The following PLA2G4E variants were observed in gnomAD, a reference collection of about 807,000 sequenced individuals.
PLA2G4E encodes the protein cytosolic phospholipase A2 epsilon.
A neutral mutation model predicts 109.1 loss-of-function variants in PLA2G4E; 84 were observed. The observed-to-expected ratio is 0.77, with a 90% CI of 0.65 to 0.92. The LOEUF is 0.92. Among genes scored for constraint, PLA2G4E ranks in the 40% least tolerant of loss-of-function variants. The probability of loss-of-function intolerance (pLI) is 0.00; values close to 1 mark genes in which losing one functional copy is unlikely to be tolerated. For missense variants in PLA2G4E, 1,057 were observed against 1,076.6 expected (o/e 0.98, Z 0.25); for synonymous variants, 469 against 436.1 (o/e 1.08, Z -0.94).
chr15:42,023,740 T>C (rs1197766494), intron 1 of PLA2G4E, among the ~76,000 whole-genome samples: 2 of 151,540 alleles, frequency 1.3e-5, no homozygotes, highest in Admixed American at 1.3e-4. Context: ...CAAGGCCTCC[T>C]ATTTGGCCTC....
intron 18 of PLA2G4E, 71 bp from the exon 19 acceptor site, chr15:41,984,690 GC>G: frequency 7.4e-7 from 1 of 1,352,200 alleles, no homozygotes; most frequent in Non-Finnish European, 9.8e-7. Context: ...AGAGTTCTTA[GC>G]CCCAGCTTCC....
chr15:42,050,500 C>T (rs762221846), intron 1 of PLA2G4E: 4 of 1,544,810 alleles, frequency 2.6e-6, no homozygotes, highest in Admixed American at 4.0e-5. Context: ...CCAGACCCCC[C>T]TCCCAGGAAC....
chr15:42,011,081 G>A (rs992670984), intron 2 of PLA2G4E, among the ~76,000 whole-genome samples: 33 of 152,256 alleles, frequency 2.2e-4, no homozygotes, highest in African/African-American at 7.5e-4. Context: ...AGACATGACT[G>A]GGGTTGGCAC....
chr15:41,997,507 G>C (rs1226419193), intron 10 of PLA2G4E: 8 of 331,268 alleles, frequency 2.4e-5, no homozygotes, highest in Admixed American at 4.9e-5. Context: ...ATGCGAGCTG[G>C]TACTCAACAA....
At chr15:42,023,185 C>G (rs545549979) in intron 1 of PLA2G4E, among the ~76,000 whole-genome samples, 3 of 149,822 alleles carry the variant, frequency 2.0e-5, no homozygotes, top group African/African-American at 7.6e-5. Flanking sequence ...AAGAAGGAGG[C>G]TTTGTGAAAG....
intron 5 of PLA2G4E, among the ~76,000 whole-genome samples, chr15:42,003,774 G>T (rs1161820964): frequency 3.9e-5 from 6 of 152,254 alleles, no homozygotes; most frequent in Non-Finnish European, 8.8e-5. Flanking sequence ...AGCATAGGGG[G>T]CTCAGCCCTG....
chr15:42,007,664 G>A, intron 3 of PLA2G4E, 65 bp downstream of exon 3: 3 of 1,536,538 alleles, frequency 2.0e-6, no homozygotes, highest in Non-Finnish European at 2.7e-6. Context: ...CAAAGAGAAG[G>A]ACAAGTGGGC....
rs1438871804 is a variant in PLA2G4E at position 41,995,282 on chromosome 15, G to A, written c.1247+78C>T. 14 of 1,539,118 alleles carry A rather than the reference G, an allele frequency of 9.1e-6. No homozygotes were observed. The Admixed American group carries it at 2.4e-4, about 26-fold the overall frequency. Reference sequence around the variant, plus strand: ...CACTTTGTCTTTGGGTGGCGGGGAGGAGCTTCACCTGAGACCCCAGGCCAG... The same window carrying A: ...CACTTTGTCTTTGGGTGGCGGGGAGAAGCTTCACCTGAGACCCCAGGCCAG... On this transcript the variant is annotated intron_variant, in intron 12 of 19. Transcript: ENST00000399518.
chr15:42,001,166 T>G lies in PLA2G4E; in HGVS notation c.664A>C (p.Arg222=), dbSNP rs1302094173. 3 of 1,613,384 alleles carry G rather than the reference T, an allele frequency of 1.9e-6. No individual in the cohort carries two copies. The African/African-American group carries it at 4.0e-5, about 22-fold the overall frequency. The change falls in exon 7 of 20, where the codon AGG becomes CGG. Residue 222 remains arginine, a synonymous_variant. Coordinates refer to ENST00000399518, the Ensembl canonical transcript of PLA2G4E. ...AGGCAAAACAGCTCACTTTTCTCCCTCTTCCTCCGCCTCCTGGATTGTGCA... is the reference window on the plus strand; with the variant it reads ...AGGCAAAACAGCTCACTTTTCTCCCGCTTCCTCCGCCTCCTGGATTGTGCA...
intron 1 of PLA2G4E, among the ~76,000 whole-genome samples, chr15:42,028,074 G>A (rs528930077): frequency 1.3e-5 from 2 of 152,312 alleles, no homozygotes; most frequent in African/African-American, 4.8e-5. Context: ...AATTAGTTAC[G>A]ACACATTCAC....
chr15:42,016,803 A>C (rs1455052373), intron 1 of PLA2G4E, among the ~76,000 whole-genome samples: 1 of 152,234 alleles, frequency 6.6e-6, no homozygotes, highest in East Asian at 1.9e-4. Context: ...TGTGAGATCA[A>C]CCCTGAAATA....
At chr15:42,013,657 GAAGGA>G (rs1342651539) in intron 2 of PLA2G4E, 23 bp downstream of exon 2, 4 of 1,541,164 alleles carry the variant, frequency 2.6e-6, no homozygotes, top group South Asian at 1.2e-5. Context: ...GGTAAGCAGA[GAAGGA>G]GAGAAGTGAG....
intron 18 of PLA2G4E, among the ~76,000 whole-genome samples, chr15:41,985,622 A>C (rs920891683): frequency 1.3e-5 from 2 of 152,280 alleles, no homozygotes; most frequent in South Asian, 4.1e-4. Context: ...GAATTTGCTA[A>C]GTCAACATGG....
intron 1 of PLA2G4E, among the ~76,000 whole-genome samples, chr15:42,032,816 G>T (rs1176937576): frequency 6.6e-6 from 1 of 152,182 alleles, no homozygotes; most frequent in Non-Finnish European, 1.5e-5. Flanking sequence ...GAGGAACACA[G>T]CCAGGAAAGA....
At chr15:41,995,243 C>A in intron 12 of PLA2G4E, 117 bp downstream of exon 12, 1 of 1,364,410 alleles carries the variant, frequency 7.3e-7, no homozygotes, top group East Asian at 2.5e-5. Flanking sequence ...GGGCACTTCC[C>A]AGGCTTCAGG....
chr15:41,998,145 G>A (rs2068371768), intron 10 of PLA2G4E: 1 of 152,268 alleles, frequency 6.6e-6, no homozygotes, highest in African/African-American at 2.4e-5. Context: ...AGTGACTCCA[G>A]ATGAATGTAC....
At chr15:42,001,250 G>A (rs368964562) in intron 6 of PLA2G4E, 30 bp from the exon 7 acceptor site, 10 of 1,584,632 alleles carry the variant, frequency 6.3e-6, no homozygotes, top group Middle Eastern at 1.7e-4. Flanking sequence ...GTCACAGAGT[G>A]TCTGAGCACC....
chr15:42,044,290 G>A (rs1276862074), intron 1 of PLA2G4E, among the ~76,000 whole-genome samples: 1 of 152,208 alleles, frequency 6.6e-6, no homozygotes, highest in Non-Finnish European at 1.5e-5. Flanking sequence ...CAGCCTTGAA[G>A]CTGAAACCTG....
intron 1 of PLA2G4E, among the ~76,000 whole-genome samples, chr15:42,025,128 G>A (rs1480159370): frequency 2.0e-5 from 3 of 151,468 alleles, no homozygotes; most frequent in South Asian, 2.1e-4. Flanking sequence ...TCCGGGAGGC[G>A]GAGCTTGCAG....
Sources: allele counts gnomAD v4.1 joint callset (sites outside exome capture counted in the v4.1 genomes callset), GRCh38; gene constraint gnomAD v4.1.1; transcripts MANE v1.5; gene names NCBI Gene and HGNC (gene_info 2026-07-23, HGNC 2026-07-21).